Variants in SMCO2 observed in about 807,000 individuals in gnomAD.
SMCO2 encodes the protein single-pass membrane protein with coiled-coil domains 2.
Under a neutral mutation model 29.5 loss-of-function variants are expected in SMCO2, and 25 were observed. That is an observed-to-expected ratio of 0.85 (90% CI 0.62 to 1.18). SMCO2 has a LOEUF of 1.18. Among genes scored for constraint, SMCO2 ranks in the 50% most tolerant of loss-of-function variants. The pLI, the probability that SMCO2 is intolerant of heterozygous loss-of-function variation, is 0.00. For missense variants in SMCO2, 348 were observed against 344.5 expected (o/e 1.01, Z -0.08); for synonymous variants, 117 against 123.3 (o/e 0.95, Z 0.34).
upstream of SMCO2, among the ~76,000 whole-genome samples, chr12:27,462,880 G>A (rs1949469239): frequency 6.6e-6 from 1 of 152,238 alleles, no homozygotes; most frequent in African/African-American, 2.4e-5. Context: ...CCTCGGCGAA[G>A]CCTTTTGCTA....
At chr12:27,471,331 A>G (rs556023269) in intron 2 of SMCO2, among the ~76,000 whole-genome samples, 1 of 152,314 alleles carries the variant, frequency 6.6e-6, no homozygotes, top group East Asian at 1.9e-4. Context: ...AGTTTTTCAT[A>G]TAAGTTTTTT....
At chr12:27,465,028 CAAAAAA>C (rs35630976), upstream of SMCO2, among the ~76,000 whole-genome samples, 21 of 60,566 alleles carry the variant, frequency 3.5e-4, no homozygotes, top group Admixed American at 1.5e-3. Flanking sequence ...GACCCTGTCT[CAAAAAA>C]AAAAAAAAAA....
At chr12:27,494,477 T>C (rs866158615) in intron 6 of SMCO2, 121 bp downstream of exon 7, 20 of 272,532 alleles carry the variant, frequency 7.3e-5, no homozygotes, top group Middle Eastern at 1.8e-3. Flanking sequence ...TTCTTTTTTA[T>C]TTAATTTAAT....
intron 7 of SMCO2, among the ~76,000 whole-genome samples, chr12:27,496,472 T>A (rs1483233849): frequency 6.6e-6 from 1 of 150,588 alleles, no homozygotes; most frequent in Non-Finnish European, 1.5e-5. Flanking sequence ...CCTCCACTCT[T>A]ATCAGTTATG....
At chr12:27,480,709 CT>C (rs199527904) in intron 4 of SMCO2, among the ~76,000 whole-genome samples, 3,159 of 151,254 alleles carry the variant, frequency 0.021, 43 homozygotes, top group African/African-American at 0.031. Flanking sequence ...TCTCCCCCCC[CT>C]CTCTCTCTCT....
the SMCO2 span, among the ~76,000 whole-genome samples, chr12:27,443,999 T>TA: frequency 6.6e-6 from 1 of 152,126 alleles, no homozygotes; most frequent in Non-Finnish European, 1.5e-5. Context: ...AACCATGAAA[T>TA]ACTTCAAATA....
upstream of SMCO2, among the ~76,000 whole-genome samples, chr12:27,462,020 G>A (rs77159456): frequency 2.0e-5 from 3 of 152,296 alleles, no homozygotes; most frequent in African/African-American, 7.2e-5. Flanking sequence ...TGAAGTTAAA[G>A]ACTGTTTGGA....
chr12:27,488,639 A>G (rs1479172703), intron 5 of SMCO2, 92 bp downstream of exon 6: 3 of 908,906 alleles, frequency 3.3e-6, no homozygotes, highest in Non-Finnish European at 4.7e-6. Flanking sequence ...CAATAACAAG[A>G]AGTAAGACTC....
intron 4 of SMCO2, among the ~76,000 whole-genome samples, chr12:27,477,608 T>A (rs972906728): frequency 1.3e-5 from 2 of 150,726 alleles, no homozygotes; most frequent in African/African-American, 4.9e-5. Flanking sequence ...AAATGTCAGG[T>A]AGGGCTTTCT....
At chr12:27,452,153 A>G in the SMCO2 span, among the ~76,000 whole-genome samples, 3 of 152,198 alleles carry the variant, frequency 2.0e-5, no homozygotes, top group African/African-American at 7.2e-5. Flanking sequence ...GATACTAGGG[A>G]AAGTGGGAGT....
At chr12:27,483,342 G>A (rs1477728928) in intron 4 of SMCO2, among the ~76,000 whole-genome samples, 1 of 152,092 alleles carries the variant, frequency 6.6e-6, no homozygotes, top group Non-Finnish European at 1.5e-5. Flanking sequence ...GGTTTTAGTT[G>A]CATGAATGTT....
chr12:27,449,474 C>G, the SMCO2 span, among the ~76,000 whole-genome samples: 2 of 152,176 alleles, frequency 1.3e-5, no homozygotes, highest in Non-Finnish European at 2.9e-5. Context: ...ACACAGGAAA[C>G]TGCTTATGGA....
chr12:27,484,004 A>G (rs994357066), intron 4 of SMCO2, among the ~76,000 whole-genome samples: 3 of 152,144 alleles, frequency 2.0e-5, no homozygotes, highest in African/African-American at 7.2e-5. Flanking sequence ...TTATATTTAC[A>G]CACATATTTA....
upstream of SMCO2, among the ~76,000 whole-genome samples, chr12:27,462,109 T>C (rs1949463259): frequency 6.6e-6 from 1 of 152,238 alleles, no homozygotes; most frequent in Non-Finnish European, 1.5e-5. Context: ...GAGATGAGGT[T>C]GCTATTACCA....
At chr12:27,488,640 A>G (rs1949709411) in intron 5 of SMCO2, 93 bp downstream of exon 6, 1 of 899,210 alleles carries the variant, frequency 1.1e-6, no homozygotes, top group Admixed American at 3.3e-5. Context: ...AATAACAAGA[A>G]GTAAGACTCA....
At chr12:27,458,780 T>C in the SMCO2 span, among the ~76,000 whole-genome samples, 1 of 150,488 alleles carries the variant, frequency 6.6e-6, no homozygotes, top group Non-Finnish European at 1.5e-5. Flanking sequence ...CCAGTTACTC[T>C]GGAGGCTGAG....
At chr12:27,433,452 G>T in the SMCO2 span, among the ~76,000 whole-genome samples, 1 of 151,054 alleles carries the variant, frequency 6.6e-6, no homozygotes, top group Non-Finnish European at 1.5e-5. Flanking sequence ...CAAATAAGAG[G>T]GCATCTGCTC....
chr12:27,461,445 C>T, the SMCO2 span, among the ~76,000 whole-genome samples: 1 of 152,080 alleles, frequency 6.6e-6, no homozygotes, highest in Non-Finnish European at 1.5e-5. Context: ...TCTGTTGTTC[C>T]CTCCTTTGTG....
intron 5 of SMCO2, 66 bp from the exon 7 acceptor site, chr12:27,494,234 G>A: frequency 9.5e-7 from 1 of 1,053,370 alleles, no homozygotes; most frequent in South Asian, 2.1e-5. Context: ...AAATAAGTGA[G>A]ATTTTATTGT....
Sources: allele counts gnomAD v4.1 joint callset (sites outside exome capture counted in the v4.1 genomes callset), GRCh38; gene constraint gnomAD v4.1.1; transcripts MANE v1.5; gene names NCBI Gene and HGNC (gene_info 2026-07-23, HGNC 2026-07-21).